Variants in SLC24A4 observed in about 807,000 individuals in gnomAD.
SLC24A4 encodes the protein sodium/potassium/calcium exchanger 4.
SLC24A4 carries 53 observed loss-of-function variants against 79.0 expected under a neutral mutation model. That is an observed-to-expected ratio of 0.67 (90% CI 0.54 to 0.84). The LOEUF is 0.84. SLC24A4 is among the 40% of genes least tolerant of loss of function. The pLI is 0.00. For missense variants in SLC24A4, 731 were observed against 822.0 expected (o/e 0.89, Z 1.35); for synonymous variants, 323 against 323.8 (o/e 1.00, Z 0.03).
intron 13 of SLC24A4, chr14:92,484,128 A>C: frequency 2.0e-6 from 2 of 985,336 alleles, no homozygotes; most frequent in Non-Finnish European, 2.4e-6. Flanking sequence ...CATTCTAGGC[A>C]CTTGGCCAAT....
At chr14:92,461,889 G>A (rs763372000) in intron 12 of SLC24A4, among the ~76,000 whole-genome samples, 2 of 152,200 alleles carry the variant, frequency 1.3e-5, no homozygotes, top group Admixed American at 6.5e-5. Flanking sequence ...AGAGGTAAGT[G>A]ATTGCCCATG....
intron 2 of SLC24A4, among the ~76,000 whole-genome samples, chr14:92,341,231 G>T (rs571457779): frequency 6.6e-6 from 1 of 152,318 alleles, no homozygotes; most frequent in South Asian, 2.1e-4. Flanking sequence ...AATGCCCTCT[G>T]GTTGCTGAAT....
At chr14:92,461,199 C>A (rs1893788374) in intron 12 of SLC24A4, among the ~76,000 whole-genome samples, 1 of 152,212 alleles carries the variant, frequency 6.6e-6, no homozygotes, top group Admixed American at 6.5e-5. Flanking sequence ...CAACAGGACT[C>A]TCTCCTGCGC....
intron 2 of SLC24A4, among the ~76,000 whole-genome samples, chr14:92,407,878 TG>T (rs1890483576): frequency 6.6e-6 from 1 of 151,542 alleles, no homozygotes; most frequent in African/African-American, 2.4e-5. Flanking sequence ...TGTGTGTGTG[TG>T]TGTGTGTGTG....
rs1483979088 is a variant in SLC24A4 at position 92,477,491 on chromosome 14, CA to C, written c.1256-5187del. 1.3e-5 allele frequency among the ~76,000 whole-genome samples: 2 copies of C among 152,106 alleles called. 1 individual carries two copies. Among genetic ancestry groups the C allele is most frequent in the Middle Eastern group, 6.3e-3 (2 of 316 alleles). On this transcript the variant is annotated intron_variant, in intron 12 of 16. Coordinates refer to ENST00000532405, the MANE Select transcript of SLC24A4 (RefSeq NM_153646.4). Reference sequence around the variant, plus strand: ...GTTGTTGTTGTTTTGTTTTTCCAGACAAGACCTCACTCTGTTGCCCAGTGCA... The same window carrying C: ...GTTGTTGTTGTTTTGTTTTTCCAGACAGACCTCACTCTGTTGCCCAGTGCA...
intron 8 of SLC24A4, 57 bp downstream of exon 8, chr14:92,445,399 T>G (rs528015764): frequency 6.4e-7 from 1 of 1,556,822 alleles, no homozygotes; most frequent in South Asian, 1.1e-5. Context: ...TCCAGTATCC[T>G]TATTTGTTGG....
chr14:92,404,898 T>A (rs924849669), intron 2 of SLC24A4, among the ~76,000 whole-genome samples: 4 of 152,110 alleles, frequency 2.6e-5, no homozygotes, highest in Admixed American at 2.6e-4. Context: ...TGGCACATAA[T>A]AGGTCCTCAG....
At chr14:92,403,493 A>G (rs929970788) in intron 2 of SLC24A4, among the ~76,000 whole-genome samples, 9 of 152,042 alleles carry the variant, frequency 5.9e-5, no homozygotes, top group African/African-American at 2.2e-4. Context: ...CTGTAATCCC[A>G]GCTACTCAGG....
chr14:92,489,154 C>T (rs1895533838), intron 14 of SLC24A4, among the ~76,000 whole-genome samples: 1 of 151,678 alleles, frequency 6.6e-6, no homozygotes, highest in African/African-American at 2.4e-5. Context: ...AAATAGCTTC[C>T]TGGCTGGGCG....
chr14:92,461,024 G>T (rs4904919), intron 12 of SLC24A4, among the ~76,000 whole-genome samples: 148,992 of 152,290 alleles, frequency 0.98, 72,976 homozygotes, highest in East Asian at 1. Flanking sequence ...AGGCGCTTTC[G>T]CCCGTGGAAA....
chr14:92,403,832 TC>T (rs1890238306), intron 2 of SLC24A4, among the ~76,000 whole-genome samples: 1 of 53,626 alleles, frequency 1.9e-5, no homozygotes, highest in African/African-American at 7.0e-5. Context: ...GCACTGCCCC[TC>T]CCCCCCACCC....
At chr14:92,423,237 C>T (rs146618719) in intron 2 of SLC24A4, among the ~76,000 whole-genome samples, 146 of 152,274 alleles carry the variant, frequency 9.6e-4, no homozygotes, top group African/African-American at 3.2e-3. Flanking sequence ...CTCCGCCTCC[C>T]GGGTTCAAGC....
intron 3 of SLC24A4, 52 bp from the exon 4 acceptor site, chr14:92,439,283 A>G: frequency 1.3e-6 from 2 of 1,498,430 alleles, no homozygotes; most frequent in Non-Finnish European, 1.9e-6. Flanking sequence ...GGCCCTTTGC[A>G]GCTGCAGCAG....
At chr14:92,445,219 A>G in intron 7 of SLC24A4, 98 bp from the exon 8 acceptor site, 1 of 1,269,146 alleles carries the variant, frequency 7.9e-7, no homozygotes, top group Non-Finnish European at 1.2e-6. Context: ...TAACAAGGCC[A>G]GTATAAATTG....
Position 92,409,400 on chromosome 14 carries a change from A to G in SLC24A4, c.242-24512A>G, listed in dbSNP as rs2080247705. On this transcript the variant is annotated intron_variant, in intron 2 of 16. Transcript: ENST00000532405. The stretch of plus-strand genomic sequence containing the variant: ...CGGTGGAGCTGCCTGGGAGCGAGGG[A>G]TGGAAAAGGCAGCGCATTCAGTGTT... 2.0e-5 allele frequency among the ~76,000 whole-genome samples: 3 copies of G among 152,194 alleles called. No individual in the cohort carries two copies. The South Asian group carries it at 6.2e-4, about 31-fold the overall frequency.
intron 10 of SLC24A4, 106 bp from the exon 11 acceptor site, chr14:92,453,794 G>T: frequency 7.7e-7 from 1 of 1,298,368 alleles, no homozygotes; most frequent in Non-Finnish European, 1.0e-6. Flanking sequence ...CAGCTGCCAG[G>T]ACCACAGCCT....
In SLC24A4 at chr14:92,384,152, C is replaced by T. The variant is rs28421103; in HGVS notation, c.242-49760C>T. Among the ~76,000 whole-genome samples, 549 of 152,298 alleles carry T rather than the reference C, an allele frequency of 3.6e-3. 5 individuals are homozygous for T. Among genetic ancestry groups the T allele is most frequent in the African/African-American group, 0.012 (519 of 41,546 alleles). On this transcript the variant is annotated intron_variant, in intron 2 of 16. Coordinates refer to ENST00000532405, the MANE Select transcript of SLC24A4 (RefSeq NM_153646.4). The stretch of plus-strand genomic sequence containing the variant: ...CAGCTCAAGCATGAAATACACTCCA[C>T]AGCTCCTCAGAAGAGCGTGGCAAAC...
intron 12 of SLC24A4, among the ~76,000 whole-genome samples, chr14:92,472,235 T>C (rs919823003): frequency 6.6e-6 from 1 of 152,218 alleles, no homozygotes; most frequent in African/African-American, 2.4e-5. Context: ...CCTGAAGTTA[T>C]TCAGTTCTCT....
At chr14:92,396,903 A>G (rs1889809884) in intron 2 of SLC24A4, among the ~76,000 whole-genome samples, 1 of 151,806 alleles carries the variant, frequency 6.6e-6, no homozygotes. Flanking sequence ...ATATGGGATT[A>G]TAGGGCACCA....
Sources: allele counts gnomAD v4.1 joint callset (sites outside exome capture counted in the v4.1 genomes callset), GRCh38; gene constraint gnomAD v4.1.1; transcripts MANE v1.5; gene names NCBI Gene and HGNC (gene_info 2026-07-23, HGNC 2026-07-21).